Variants in PEX14 observed in about 807,000 individuals in gnomAD.
The protein encoded by PEX14 is peroxisomal membrane protein PEX14.
A neutral mutation model predicts 49.5 loss-of-function variants in PEX14; 15 were observed. The ratio of observed to expected loss-of-function variants is 0.30; its 90% CI spans 0.20 to 0.47. The LOEUF (loss-of-function observed/expected upper bound fraction) is 0.47, where lower values mean the gene tolerates loss of function less well. Among genes scored for constraint, PEX14 ranks in the 20% least tolerant of loss-of-function variants. The pLI is 1.00. For missense variants in PEX14, 398 were observed against 494.8 expected, an observed-to-expected ratio of 0.80 and a Z score of 1.86; for synonymous variants, 210 against 212.7, an observed-to-expected ratio of 0.99 and a Z score of 0.11.
chr1:10,575,908 C>G (rs1332987502), intron 3 of PEX14, among the ~76,000 whole-genome samples: 3 of 152,080 alleles, frequency 2.0e-5, no homozygotes, highest in Admixed American at 1.3e-4. Flanking sequence ...GTACCTGTCT[C>G]AATATGCTAC....
chr1:10,583,198 G>A (rs1379935286), intron 3 of PEX14, among the ~76,000 whole-genome samples: 3 of 150,968 alleles, frequency 2.0e-5, no homozygotes, highest in African/African-American at 7.3e-5. Context: ...ACATATTGGG[G>A]TTTCCGTTTA....
chr1:10,606,207 C>T (rs971990735), intron 4 of PEX14, among the ~76,000 whole-genome samples: 4 of 152,198 alleles, frequency 2.6e-5, no homozygotes, highest in African/African-American at 9.7e-5. Flanking sequence ...CTGCAGGAAC[C>T]CTACTCTGCC....
chr1:10,555,468 A>G (rs1340312893), intron 3 of PEX14, among the ~76,000 whole-genome samples: 1 of 152,182 alleles, frequency 6.6e-6, no homozygotes, highest in Non-Finnish European at 1.5e-5. Context: ...AAACCCAAAA[A>G]AAGCACCTCT....
Position 10,513,125 on chromosome 1 carries a change from A to G in PEX14, c.84+17804A>G, listed in dbSNP as rs1027453966. Among the ~76,000 whole-genome samples, 7 of 152,228 alleles carry G rather than the reference A, an allele frequency of 4.6e-5. No individual in the cohort carries two copies. In the South Asian group the frequency reaches 8.3e-4, roughly 18 times the overall value. On this transcript the variant is annotated intron_variant, in intron 2 of 8. Coordinates refer to ENST00000356607, the MANE Select transcript of PEX14 (RefSeq NM_004565.3). ...GAAGGAGAGTGTGAGAGTGTTTTCTATGATGTGAGTGGGAGAAAATAGCGT... is the reference window on the plus strand; with the variant it reads ...GAAGGAGAGTGTGAGAGTGTTTTCTGTGATGTGAGTGGGAGAAAATAGCGT...
intron 4 of PEX14, among the ~76,000 whole-genome samples, chr1:10,614,684 G>T (rs1163934752): frequency 6.6e-6 from 1 of 152,234 alleles, no homozygotes; most frequent in East Asian, 1.9e-4. Context: ...TGGTGTCTGA[G>T]AAATCAGTGG....
chr1:10,621,416 T>G (rs1045633084), intron 5 of PEX14, among the ~76,000 whole-genome samples: 3 of 150,562 alleles, frequency 2.0e-5, no homozygotes, highest in African/African-American at 7.3e-5. Flanking sequence ...GCATGATCTC[T>G]GCTCACTGCA....
intron 3 of PEX14, among the ~76,000 whole-genome samples, chr1:10,567,895 T>A (rs142683859): frequency 3.5e-4 from 53 of 152,254 alleles, no homozygotes; most frequent in African/African-American, 1.3e-3. Context: ...CATCACGAAG[T>A]ATGGGATTAC....
In PEX14 at chr1:10,629,828, CGAGGAGGAT is replaced by C; in HGVS notation, c.987_995del (p.Glu329_Asp331del). The C allele has an allele frequency of 1.9e-6, 3 of 1,598,338 alleles. No individual in the cohort carries two copies. Among genetic ancestry groups the C allele is most frequent in the Non-Finnish European group, 1.7e-6 (2 of 1,168,122 alleles). Reference sequence around the variant, plus strand: ...AGGAGAAGAGGGAGGACAAGGAGGACGAGGAGGATGAGGAGGATGATGATGTGAGCCATG... The same window carrying C: ...AGGAGAAGAGGGAGGACAAGGAGGACGAGGAGGATGATGATGTGAGCCATG... On this transcript the variant is annotated inframe_deletion, in exon 9 of 9. Coordinates refer to ENST00000356607, the MANE Select transcript of PEX14 (RefSeq NM_004565.3). This position sits in a 1 kb window ranked among gnomAD's most constrained non-coding sequence, Gnocchi z 8.5.
chr1:10,617,292 C>T (rs6693692), intron 4 of PEX14, among the ~76,000 whole-genome samples: 322 of 152,112 alleles, frequency 2.1e-3, no homozygotes, highest in Non-Finnish European at 4.0e-3. Flanking sequence ...GCAGCAGGCT[C>T]GCCCCAGCTC....
chr1:10,580,400 T>C (rs1049317660), intron 3 of PEX14, among the ~76,000 whole-genome samples: 8 of 152,140 alleles, frequency 5.3e-5, no homozygotes, highest in Admixed American at 2.0e-4. Flanking sequence ...AATTTTTGTA[T>C]TTTTAGTAGA....
At chr1:10,617,965 A>C (rs1023229396) in intron 4 of PEX14, among the ~76,000 whole-genome samples, 1 of 152,150 alleles carries the variant, frequency 6.6e-6, no homozygotes, top group Non-Finnish European at 1.5e-5. Flanking sequence ...TGCTCCCCTA[A>C]ACATACTCCT....
chr1:10,533,575 C>A (rs762914146), intron 2 of PEX14, among the ~76,000 whole-genome samples: 3 of 152,122 alleles, frequency 2.0e-5, no homozygotes, highest in Non-Finnish European at 4.4e-5. Context: ...CCCCCACGTT[C>A]TTCTTAAATG....
At chr1:10,498,535 T>A (rs1227416476) in intron 2 of PEX14, among the ~76,000 whole-genome samples, 2 of 152,198 alleles carry the variant, frequency 1.3e-5, no homozygotes, top group Admixed American at 1.3e-4. Flanking sequence ...AAACGACACA[T>A]TCGTGTTTGT....
At chr1:10,535,827 A>G (rs1326193584) in intron 2 of PEX14, 1 of 353,634 alleles carries the variant, frequency 2.8e-6, no homozygotes, top group African/African-American at 2.1e-5. Context: ...ACGTTTAGAC[A>G]GGTGGAGGCA....
chr1:10,556,000 T>C (rs1639477235), intron 3 of PEX14, among the ~76,000 whole-genome samples: 1 of 151,944 alleles, frequency 6.6e-6, no homozygotes, highest in Non-Finnish European at 1.5e-5. Context: ...AAGCAGTCCA[T>C]CTCGGTGGGC....
intron 4 of PEX14, among the ~76,000 whole-genome samples, chr1:10,611,491 A>G (rs957969446): frequency 6.6e-6 from 1 of 152,156 alleles, no homozygotes. Context: ...GTGCACTTAT[A>G]CTTTCATTTC....
intron 4 of PEX14, among the ~76,000 whole-genome samples, chr1:10,608,741 T>TTA (rs1553119319): frequency 2.2e-5 from 3 of 138,022 alleles, no homozygotes; most frequent in Non-Finnish European, 4.9e-5. Context: ...TAAAAAAAAA[T>TTA]AAAAAAAAAA....
At chr1:10,570,340 A>G (rs1208746350) in intron 3 of PEX14, among the ~76,000 whole-genome samples, 2 of 149,928 alleles carry the variant, frequency 1.3e-5, no homozygotes, top group Admixed American at 6.6e-5. Context: ...GCTGTTTTTC[A>G]TTTTCTTTTT....
At chr1:10,627,227 T>C in intron 7 of PEX14, 45 bp from the exon 8 acceptor site, 1 of 1,368,926 alleles carries the variant, frequency 7.3e-7, no homozygotes, top group African/African-American at 1.4e-5. Context: ...GCCCCGCCCG[T>C]GCCGCAAGGC....
Sources: allele counts gnomAD v4.1 joint callset (sites outside exome capture counted in the v4.1 genomes callset), GRCh38; gene constraint gnomAD v4.1.1; non-coding constraint Gnocchi (gnomAD v3.1); transcripts MANE v1.5; gene names NCBI Gene and HGNC (gene_info 2026-07-23, HGNC 2026-07-21).